The following TMPO variants were observed in gnomAD, a reference collection of about 807,000 sequenced individuals.
TMPO encodes the protein LEM domain containing 4.
In TMPO, 22 loss-of-function variants were observed where a neutral mutation model predicts 45.4. The ratio of observed to expected loss-of-function variants is 0.48; its 90% confidence interval spans 0.35 to 0.69. The LOEUF (loss-of-function observed/expected upper bound fraction) is 0.69. TMPO is among the 30% of genes least tolerant of loss of function. The probability of loss-of-function intolerance (pLI) is 0.01; values close to 1 mark genes in which losing one functional copy is unlikely to be tolerated. For missense variants in TMPO, 512 were observed against 548.8 expected (o/e 0.93, Z 0.67); for synonymous variants, 241 against 204.1 (o/e 1.18, Z -1.54).
chr12:98,535,761 A>G (rs1877528394), intron 3 of TMPO: 4 of 653,194 alleles, frequency 6.1e-6, no homozygotes, highest in African/African-American at 2.0e-5. Context: ...TTTCAGTGGT[A>G]TAATTGAAAA....
rs899234573 is a variant in TMPO, at chr12:98,549,888, C to T, written c.*2030C>T. 2 of 146,646 alleles carry T rather than the reference C, an allele frequency of 1.4e-5. No homozygotes were observed. Among genetic ancestry groups the T allele is most frequent in the South Asian group, 4.4e-4 (2 of 4,564 alleles). The allele number at this position is 146,646 out of a possible 1,614,324, so 9.1% of individuals were successfully genotyped here. ...CCTTGCAAAGTGAGTGGGAAACTTA[C>T]TCCTAGATCAGAAATGTTTGCCTCT... On this transcript the variant is annotated 3_prime_UTR_variant, in exon 9 of 9. Coordinates refer to ENST00000556029, the MANE Select transcript of TMPO (RefSeq NM_001032283.3).
intron 4 of TMPO, among the ~76,000 whole-genome samples, chr12:98,539,936 ATAATT>A (rs1565815018): frequency 6.6e-6 from 1 of 152,246 alleles, no homozygotes; most frequent in African/African-American, 2.4e-5. Flanking sequence ...AATAAAATTA[ATAATT>A]TATTTGTATC....
At position 98,547,951 on chromosome 12, in the gene TMPO, A is replaced by T; in HGVS notation, c.*93A>T. 7.1e-7 allele frequency: 1 copy of T among 1,403,300 alleles called. No homozygotes were observed. The highest frequency in any genetic ancestry group is 2.0e-5 in the Admixed American group (1 of 50,798). The allele number at this position is 1,403,300 out of a possible 1,614,324, so 86.9% of individuals were successfully genotyped here. A position where few individuals can be genotyped will look rare whatever the true frequency, so the allele number is the denominator to read the frequency against. On this transcript the variant is annotated 3_prime_UTR_variant, in exon 9 of 9. Transcript: ENST00000556029. ...CACTTGTTGACTCCAAGAACTAAAA[A>T]TAATGTGATTTCGCCTCAATAAATG...
intron 3 of TMPO, chr12:98,533,331 A>T (rs141347778): frequency 6.2e-7 from 1 of 1,614,206 alleles, no homozygotes; most frequent in African/African-American, 1.3e-5. Context: ...GTAAAAGGAA[A>T]GCACTAGAAG....
rs756786122 is a variant in TMPO, at chr12:98,548,785, G to C, written c.*927G>C. 11 of 152,070 alleles carry C rather than the reference G, an allele frequency of 7.2e-5. No individual in the cohort carries two copies. Among genetic ancestry groups the C allele is most frequent in the Admixed American group, 5.9e-4 (9 of 15,254 alleles). The allele number at this position is 152,070 out of a possible 1,614,324, so 9.4% of individuals were successfully genotyped here. On this transcript the variant is annotated 3_prime_UTR_variant, in exon 9 of 9. Coordinates refer to ENST00000556029, the MANE Select transcript of TMPO (RefSeq NM_001032283.3). ...CTTGTTACCAGAAACAAATTTTGCC[G>C]AGCTTTTTTTGCCCTATATTTCCCA...
chr12:98,547,117 C>G (rs1398979780), intron 8 of TMPO, among the ~76,000 whole-genome samples: 4 of 148,050 alleles, frequency 2.7e-5, no homozygotes, highest in Non-Finnish European at 3.0e-5. Context: ...GCTCTGTTGC[C>G]CAGGCTGGAG....
intron 1 of TMPO, among the ~76,000 whole-genome samples, chr12:98,521,637 G>T (rs1053245264): frequency 1.3e-5 from 2 of 152,102 alleles, no homozygotes; most frequent in Non-Finnish European, 2.9e-5. Flanking sequence ...TACAGAGTTG[G>T]CAGTCTGCCT....
intron 1 of TMPO, among the ~76,000 whole-genome samples, chr12:98,519,099 G>A (rs1005669357): frequency 3.3e-5 from 5 of 151,968 alleles, no homozygotes; most frequent in Non-Finnish European, 7.4e-5. Flanking sequence ...AGCCAGGATG[G>A]CCTCGATCTC....
At chr12:98,516,517 G>C in intron 1 of TMPO, 4 of 1,057,318 alleles carry the variant, frequency 3.8e-6, no homozygotes, top group Non-Finnish European at 4.6e-6. Context: ...AAATGCTATA[G>C]GTTAAGTTCG....
At chr12:98,534,066 T>A (rs758204755) in intron 3 of TMPO, 1 of 1,609,580 alleles carries the variant, frequency 6.2e-7, no homozygotes, top group Non-Finnish European at 8.5e-7. Context: ...CTGCACAGAT[T>A]CTTAGCTCAG....
rs188434205 is a variant in TMPO at position 98,519,400 on chromosome 12, T to C, written c.279+3254T>C. 5.0e-3 allele frequency among the ~76,000 whole-genome samples: 760 copies of C among 152,260 alleles called. 6 individuals carry two copies. The highest frequency in any genetic ancestry group is 0.017 in the African/African-American group (723 of 41,540). On this transcript the variant is annotated intron_variant, in intron 1 of 8. Coordinates refer to ENST00000556029, the MANE Select transcript of TMPO (RefSeq NM_001032283.3). ...TTTTAGTAGAGAAGGGGTTTCGCCA[T>C]GTTGGCCAGGCTGGTCTGGAACACC...
At chr12:98,543,425 T>G (rs1878043771) in intron 4 of TMPO, among the ~76,000 whole-genome samples, 1 of 152,222 alleles carries the variant, frequency 6.6e-6, no homozygotes, top group Non-Finnish European at 1.5e-5. Context: ...AAGCTTCAAG[T>G]GATTGATAGG....
chr12:98,534,506 C>CT, intron 3 of TMPO: 2 of 1,432,984 alleles, frequency 1.4e-6, no homozygotes, highest in African/African-American at 1.4e-5. Flanking sequence ...TGTAGAACTA[C>CT]TTGTCTTTTC....
At chr12:98,521,174 C>G (rs1876336552) in intron 1 of TMPO, among the ~76,000 whole-genome samples, 1 of 132,056 alleles carries the variant, frequency 7.6e-6, no homozygotes, top group African/African-American at 2.9e-5. Flanking sequence ...GTGGCGTGAT[C>G]TCCACTCACT....
intron 1 of TMPO, among the ~76,000 whole-genome samples, chr12:98,518,692 G>C (rs1371040978): frequency 2.0e-5 from 3 of 151,712 alleles, no homozygotes; most frequent in African/African-American, 7.3e-5. Context: ...CTTTTGGGGG[G>C]TAAGAAGACC....
At chr12:98,525,370 G>A (rs1250948375) in intron 1 of TMPO, among the ~76,000 whole-genome samples, 4 of 152,240 alleles carry the variant, frequency 2.6e-5, no homozygotes, top group African/African-American at 9.6e-5. Flanking sequence ...TTTTGGTGAA[G>A]GTTTTTTGGC....
At chr12:98,534,481 A>G (rs1055839397) in intron 3 of TMPO, 4 of 1,497,796 alleles carry the variant, frequency 2.7e-6, no homozygotes, top group East Asian at 2.4e-5. Flanking sequence ...ATTACAGTAT[A>G]AAAGTAATTG....
chr12:98,524,932 A>C (rs967387970), intron 1 of TMPO, among the ~76,000 whole-genome samples: 2 of 152,206 alleles, frequency 1.3e-5, no homozygotes, highest in African/African-American at 4.8e-5. Context: ...CGGGTTTGAA[A>C]AGTTGGAATT....
chr12:98,536,182 T>C (rs1204512176), intron 3 of TMPO, among the ~76,000 whole-genome samples: 4 of 152,228 alleles, frequency 2.6e-5, no homozygotes, highest in Admixed American at 1.3e-4. Context: ...AAGACACATA[T>C]AGATGTCTTG....
Sources: allele counts gnomAD v4.1 joint callset (sites outside exome capture counted in the v4.1 genomes callset), GRCh38; gene constraint gnomAD v4.1.1; transcripts MANE v1.5; gene names NCBI Gene and HGNC (gene_info 2026-07-23, HGNC 2026-07-21).